Variants in EPS8L3 observed in about 807,000 individuals in gnomAD.
EPS8L3 encodes epidermal growth factor receptor kinase substrate 8-like protein 3.
EPS8L3 carries 80 observed loss-of-function variants against 88.5 expected under a neutral mutation model. That is an observed-to-expected ratio of 0.90 (90% CI 0.75 to 1.09). The LOEUF (loss-of-function observed/expected upper bound fraction) is 1.09, where lower values mean the gene tolerates loss of function less well. Ranked by LOEUF, EPS8L3 falls within the 50% of genes least tolerant of loss-of-function variation. EPS8L3 has a pLI of 0.00. For synonymous variants in EPS8L3, 286 were observed against 291.0 expected (o/e 0.98, Z 0.18); for missense variants, 721 against 735.2 (o/e 0.98, Z 0.22).
At chr1:109,750,935 T>A (rs1438449575) in intron 17 of EPS8L3, 143 bp from the exon 18 acceptor site, 1 of 979,852 alleles carries the variant, frequency 1.0e-6, no homozygotes, top group Non-Finnish European at 1.5e-6. Context: ...ATTGAAGGAG[T>A]AAAGTCAGCA....
intron 12 of EPS8L3, among the ~76,000 whole-genome samples, chr1:109,755,241 G>A (rs1251869883): frequency 6.6e-6 from 1 of 152,180 alleles, no homozygotes; most frequent in East Asian, 1.9e-4. Context: ...TGAGGAGTGG[G>A]TAATGGGGAA....
intron 3 of EPS8L3, chr1:109,761,116 G>C (rs1650891236): frequency 5.1e-6 from 1 of 194,344 alleles, no homozygotes. Flanking sequence ...AGCCATGCAA[G>C]GTCTTGGGCA....
At chr1:109,763,616 C>T (rs1162803643) in intron 1 of EPS8L3, among the ~76,000 whole-genome samples, 1 of 152,186 alleles carries the variant, frequency 6.6e-6, no homozygotes, top group East Asian at 1.9e-4. Flanking sequence ...ATCCCAGAGG[C>T]CCTTCCGGAG....
chr1:109,760,700 T>TCTGCTGCCCTGTGGGAC (rs573192119), intron 3 of EPS8L3, among the ~76,000 whole-genome samples: 1 of 152,058 alleles, frequency 6.6e-6, no homozygotes, highest in Non-Finnish European at 1.5e-5. Context: ...GAGCTCTGCC[T>TCTGCTGCCCTGTGGGAC]CTGCTGCCCT....
At chr1:109,753,234 C>T (rs1317064504) in intron 12 of EPS8L3, 36 bp from the exon 13 acceptor site, 2 of 1,509,252 alleles carry the variant, frequency 1.3e-6, no homozygotes, top group Admixed American at 3.7e-5. Context: ...CACATCCACT[C>T]TGTGAACTCT....
At chr1:109,761,329 G>C in intron 3 of EPS8L3, 166 bp downstream of exon 3, 1 of 632,242 alleles carries the variant, frequency 1.6e-6, no homozygotes, top group East Asian at 2.8e-5. Flanking sequence ...CTGAGCAGAT[G>C]CTCTGGCAGG....
intron 1 of EPS8L3, 98 bp from the exon 2 acceptor site, chr1:109,761,871 C>T: frequency 9.2e-7 from 1 of 1,084,896 alleles, no homozygotes; most frequent in Non-Finnish European, 1.4e-6. Flanking sequence ...GACTGGGGGC[C>T]TCTGGGACCA....
rs764503602 is a variant in EPS8L3 at position 109,757,952 on chromosome 1, T to C, written c.824A>G (p.Asp275Gly). ...RKKKFGKKNK[D>G]QGGLTQAQYI... is the part of the protein sequence containing the mutation. ...TGGCCCTCAGTACTCACCTCCCTGGTCCTTGTTTTTTTTCCCAAATTTCTT... is the reference window on the plus strand; with the variant it reads ...TGGCCCTCAGTACTCACCTCCCTGGCCCTTGTTTTTTTTCCCAAATTTCTT... Residue 275 changes from aspartate to glycine, a missense_variant, in exon 9 of 19, where the codon GAC (aspartate) becomes GGC (glycine). Asp to Gly is a moderately conservative substitution (Grantham distance 94). Transcript: ENST00000361965. The C allele has an allele frequency of 6.2e-7, 1 of 1,614,012 alleles. No homozygotes were observed. The highest frequency in any genetic ancestry group is 1.3e-5 in the African/African-American group (1 of 74,900).
Position 109,759,791 on chromosome 1 carries a change from C to T in EPS8L3, c.142G>A (p.Glu48Lys), listed in dbSNP as rs755219686. ...TCGAACAGCTTCTGCAAGGCATCCT[C>T]GGGCCCCTGGACTCTCTGACTCCCC... ...KQGSQRVQGP[E>K]DALQKLFEMD... Residue 48 changes from glutamate to lysine, a missense_variant, in exon 4 of 19, where the codon GAG becomes AAG. Coordinates refer to ENST00000361965, the MANE Select transcript of EPS8L3 (RefSeq NM_133181.4). This position sits in a 1 kb window ranked among gnomAD's most constrained non-coding sequence, Gnocchi z 4.2. 1.1e-5 allele frequency: 18 copies of T among 1,614,010 alleles called. No homozygotes were observed. The highest frequency in any genetic ancestry group is 8.8e-5 in the South Asian group (8 of 91,082).
Position 109,757,334 on chromosome 1 carries a change from C to A in EPS8L3, c.969+147G>T, listed in dbSNP as rs542316366. 13 of 1,108,170 alleles carry A rather than the reference C, an allele frequency of 1.2e-5. No homozygotes were observed. In the East Asian group the frequency reaches 2.6e-4, roughly 22 times the overall value. 68.6% of individuals were successfully genotyped at this position (1,108,170 alleles called of 1,614,324 possible). ...CTGCTCCTTCCTGTCTCCCTTAGAG[C>A]CTTGGCGTCCTTGGCTCTGACCCCA... is the stretch of plus-strand genomic sequence containing the variant. On this transcript the variant is annotated intron_variant, in intron 11 of 18. Transcript: ENST00000361965.
chr1:109,750,243 C>T lies in EPS8L3; in HGVS notation c.*148G>A. On this transcript the variant is annotated 3_prime_UTR_variant, in exon 19 of 19. Coordinates refer to ENST00000361965, the MANE Select transcript of EPS8L3 (RefSeq NM_133181.4). ...GACACTGTTTGCTTCAGCCTCTGGGCCTGTCCATTGTTTTTGCTGTGTGAG... is the reference window on the plus strand; with the variant it reads ...GACACTGTTTGCTTCAGCCTCTGGGTCTGTCCATTGTTTTTGCTGTGTGAG... The T allele has an allele frequency of 1.1e-6, 1 of 934,872 alleles. No individual in the cohort carries two copies. The highest frequency in any genetic ancestry group is 1.7e-6 in the Non-Finnish European group (1 of 601,774). 57.9% of individuals were successfully genotyped at this position (934,872 alleles called of 1,614,324 possible).
chr1:109,752,806 A>G, intron 13 of EPS8L3, 86 bp from the exon 14 acceptor site: 1 of 1,230,970 alleles, frequency 8.1e-7, no homozygotes, highest in Non-Finnish European at 1.2e-6. Context: ...CACAGGCATA[A>G]GCAGCTCACA....
chr1:109,756,227 G>A (rs549311921), intron 12 of EPS8L3, among the ~76,000 whole-genome samples: 5 of 152,122 alleles, frequency 3.3e-5, no homozygotes, highest in African/African-American at 4.8e-5. Flanking sequence ...GCTCTCATCC[G>A]TTTGGTTTTT....
Position 109,757,449 on chromosome 1 carries a change from C to T in EPS8L3, c.969+32G>A, listed in dbSNP as rs376306510. 1.4e-5 allele frequency: 22 copies of T among 1,597,324 alleles called. No individual in the cohort carries two copies. In the African/African-American group the frequency reaches 1.5e-4, roughly 11 times the overall value. On this transcript the variant is annotated intron_variant, in intron 11 of 18. Coordinates refer to ENST00000361965, the MANE Select transcript of EPS8L3 (RefSeq NM_133181.4). Reference sequence around the variant, plus strand: ...TACTCCTTCTTGACTTCAGCCTGTCCGTCTTCACCACCCTGTCGTCCCTTG... The same window carrying T: ...TACTCCTTCTTGACTTCAGCCTGTCTGTCTTCACCACCCTGTCGTCCCTTG...
At chr1:109,758,124 C>T in intron 8 of EPS8L3, 66 bp from the exon 9 acceptor site, 5 of 1,414,512 alleles carry the variant, frequency 3.5e-6, no homozygotes, top group Middle Eastern at 2.2e-4. Flanking sequence ...CCCCACACTG[C>T]CCCCCGCACC....
chr1:109,751,451 T>C, intron 16 of EPS8L3, 100 bp from the exon 17 acceptor site: 1 of 1,399,254 alleles, frequency 7.1e-7, no homozygotes, highest in Non-Finnish European at 9.9e-7. Flanking sequence ...ATCAAATCAC[T>C]TCTCTTACTC....
In EPS8L3 at chr1:109,751,677, TC is replaced by T; in HGVS notation, c.1539del (p.Thr514ProfsTer35). The T allele has an allele frequency of 6.2e-7, 1 of 1,613,766 alleles. No individual in the cohort carries two copies. Among genetic ancestry groups the T allele is most frequent in the Non-Finnish European group, 8.5e-7 (1 of 1,179,948 alleles). On this transcript the variant is annotated frameshift_variant, in exon 16 of 19. Coordinates refer to ENST00000361965, the MANE Select transcript of EPS8L3 (RefSeq NM_133181.4). LOFTEE classifies it high-confidence loss of function. The stretch of plus-strand genomic sequence containing the variant: ...ACCCGAGAGGGTGACTGGCCCTGGG[TC>T]CCAGGGGTCCCCGGCTGTAGGGGCT... ...ILEPLQPGTP[G>X]TQGQSPSRVP...
chr1:109,752,405 G>A, intron 14 of EPS8L3: 1 of 614,122 alleles, frequency 1.6e-6, no homozygotes, highest in Non-Finnish European at 2.8e-6. Context: ...ATTTCCGGGA[G>A]TGGAATTTTC....
At chr1:109,757,598 C>T in intron 10 of EPS8L3, 43 bp from the exon 11 acceptor site, 3 of 1,557,582 alleles carry the variant, frequency 1.9e-6, no homozygotes, top group Non-Finnish European at 2.7e-6. Context: ...TTCACCCCAC[C>T]CCATCTTCAC....
Sources: gnomAD v4.1 joint callset for allele counts (sites outside exome capture counted in the v4.1 genomes callset) on GRCh38, gnomAD v4.1.1 for gene constraint, Gnocchi (gnomAD v3.1) non-coding constraint, MANE v1.5 for transcripts, NCBI Gene and HGNC (gene_info 2026-07-23, HGNC 2026-07-21) for gene names.